The following ANKRD6 variants were observed in gnomAD, a reference collection of about 807,000 sequenced individuals.
ANKRD6 encodes the protein ankyrin repeat domain 6, also known as ankyrin repeat domain-containing protein 6.
Under a neutral mutation model 82.3 loss-of-function variants are expected in ANKRD6, and 56 were observed. The ratio of observed to expected loss-of-function variants is 0.68; its 90% CI spans 0.55 to 0.85. The LOEUF is 0.85. ANKRD6 is among the 40% of genes least tolerant of loss of function. The pLI, the probability that ANKRD6 is intolerant of heterozygous loss-of-function variation, is 0.00. For missense variants in ANKRD6, 852 were observed against 907.6 expected (o/e 0.94, Z 0.79); for synonymous variants, 347 against 352.1 (o/e 0.99, Z 0.16).
intron 5 of ANKRD6, among the ~76,000 whole-genome samples, chr6:89,609,447 A>G (rs1046755896): frequency 6.6e-6 from 1 of 151,650 alleles, no homozygotes; most frequent in South Asian, 2.1e-4. Context: ...GATTACAGGC[A>G]CCTGCCATCA....
intron 1 of ANKRD6, among the ~76,000 whole-genome samples, chr6:89,499,443 G>A (rs551539477): frequency 7.4e-4 from 112 of 152,184 alleles, no homozygotes; most frequent in South Asian, 1.5e-3. Context: ...GCACTGTCAC[G>A]CCTGATGCCA....
At position 89,566,934 on chromosome 6, in the gene ANKRD6, G is replaced by A. The variant is rs1562846346; in HGVS notation, c.-43G>A. 1 of 1,552,406 alleles carries A rather than the reference G, an allele frequency of 6.4e-7. No homozygotes were observed. The highest frequency in any genetic ancestry group is 2.4e-5 in the East Asian group (1 of 41,096). ...CCAGTGACTTCGTGTTGAGCTGAAG[G>A]AACTTGTCTACCGCTTCCCTGAAAA... On this transcript the variant is annotated 5_prime_UTR_variant, in exon 2 of 16. Transcript: ENST00000339746.
intron 1 of ANKRD6, among the ~76,000 whole-genome samples, chr6:89,515,567 A>G (rs1466057072): frequency 2.6e-5 from 4 of 152,226 alleles, no homozygotes; most frequent in Non-Finnish European, 4.4e-5. Flanking sequence ...GAACCTGTGC[A>G]TATTACCTTA....
rs749032053 is a variant in ANKRD6, at chr6:89,617,938, C to G, written c.715-16C>G. The G allele has an allele frequency of 6.2e-7, 1 of 1,613,388 alleles. No individual in the cohort carries two copies. The highest frequency in any genetic ancestry group is 8.5e-7 in the Non-Finnish European group (1 of 1,179,530). Reference sequence around the variant, plus strand: ...CCGTGGCCCTTTCTCACCTGTCCTACTCTGCCTCTCCTCAGGCAGGCCAGA... The same window carrying G: ...CCGTGGCCCTTTCTCACCTGTCCTAGTCTGCCTCTCCTCAGGCAGGCCAGA... On this transcript the variant is annotated splice_polypyrimidine_tract_variant and intron_variant, in intron 8 of 15. Transcript: ENST00000339746.
At position 89,446,343 on chromosome 6, in the gene ANKRD6, A is replaced by G. The variant is rs188360781; in HGVS notation, c.-144+12968A>G. Among the ~76,000 whole-genome samples the G allele has an allele frequency of 3.9e-3, 600 of 152,258 alleles. 2 individuals are homozygous for G. The highest frequency in any genetic ancestry group is 4.6e-3 in the Non-Finnish European group (315 of 68,020). ...CTCCAGCCTGGGCAACAAGGGCGAA[A>G]CTTTGTCTCTAAATAAATAAATAAA... On this transcript the variant is annotated intron_variant, in intron 1 of 15. Transcript: ENST00000339746.
At chr6:89,550,586 C>T (rs1396039895) in intron 1 of ANKRD6, among the ~76,000 whole-genome samples, 1 of 152,122 alleles carries the variant, frequency 6.6e-6, no homozygotes, top group Non-Finnish European at 1.5e-5. Flanking sequence ...GACTGAAGTG[C>T]TGGTTACACA....
intron 1 of ANKRD6, among the ~76,000 whole-genome samples, chr6:89,438,755 G>A (rs1224454727): frequency 6.6e-6 from 1 of 152,122 alleles, no homozygotes; most frequent in East Asian, 1.9e-4. Context: ...TGATTCTCCT[G>A]CCTCAGCCTC....
rs1478907305 is a variant in ANKRD6, at chr6:89,630,617, C to T, written c.1797C>T (p.Pro599=). 6.2e-7 allele frequency: 1 copy of T among 1,613,768 alleles called. No individual in the cohort carries two copies. Among genetic ancestry groups the T allele is most frequent in the Non-Finnish European group, 8.5e-7 (1 of 1,179,840 alleles). ...TCAAGGTCCAGACAGCCTTGCTACC[C>T]ATGAATGAGGCAGCCAGATCTGATC... The part of the protein sequence containing the change: ...RNVKVQTALL[P]MNEAARSDQQ... Residue 599 remains proline, a synonymous_variant, in exon 16 of 16, where the codon CCC becomes CCT. Coordinates refer to ENST00000339746, the MANE Select transcript of ANKRD6 (RefSeq NM_001242809.2).
intron 1 of ANKRD6, among the ~76,000 whole-genome samples, chr6:89,546,082 C>T (rs550009702): frequency 1.1e-4 from 17 of 152,144 alleles, no homozygotes; most frequent in Middle Eastern, 3.4e-3. Context: ...GCTGGGATTA[C>T]GGCGTGAGCC....
At chr6:89,504,174 AGGCACG>A (rs942814312) in intron 1 of ANKRD6, among the ~76,000 whole-genome samples, 13 of 151,024 alleles carry the variant, frequency 8.6e-5, no homozygotes, top group Non-Finnish European at 1.9e-4. Flanking sequence ...CAGAAAGACC[AGGCACG>A]GGGCTGTTCA....
chr6:89,595,150 G>T (rs1030974377), intron 2 of ANKRD6, among the ~76,000 whole-genome samples: 1 of 152,150 alleles, frequency 6.6e-6, no homozygotes, highest in African/African-American at 2.4e-5. Context: ...GATCATTTGA[G>T]GTCAGGAGTT....
intron 14 of ANKRD6, among the ~76,000 whole-genome samples, chr6:89,628,521 G>A (rs1383304548): frequency 6.6e-6 from 1 of 152,202 alleles, no homozygotes; most frequent in East Asian, 1.9e-4. Flanking sequence ...TGTAATCCCA[G>A]CACTTTGGGA....
At chr6:89,542,889 C>G (rs764243164) in intron 1 of ANKRD6, among the ~76,000 whole-genome samples, 54 of 152,194 alleles carry the variant, frequency 3.5e-4, no homozygotes, top group Non-Finnish European at 3.7e-4. Flanking sequence ...ATTTCAGAAA[C>G]TGGTAGCATT....
At chr6:89,576,057 C>CT (rs1233357443) in intron 2 of ANKRD6, among the ~76,000 whole-genome samples, 2,251 of 146,370 alleles carry the variant, frequency 0.015, 47 homozygotes, top group African/African-American at 0.049. Flanking sequence ...AACTTTCTTT[C>CT]TTTTTTTTTT....
chr6:89,453,522 G>T (rs1773112279), intron 1 of ANKRD6, among the ~76,000 whole-genome samples: 1 of 151,846 alleles, frequency 6.6e-6, no homozygotes, highest in Non-Finnish European at 1.5e-5. Context: ...TCCTTTTGAA[G>T]TTTGGATCAG....
rs755069198 is a variant in ANKRD6 at position 89,624,027 on chromosome 6, G to T, written c.1188G>T (p.Leu396Phe). Reference sequence around the variant, plus strand: ...TCAGGGCGTATCAGCTCTACACATTGTACCGGGGCAAGGATGGGAAAGTGA... The same window carrying T: ...TCAGGGCGTATCAGCTCTACACATTTTACCGGGGCAAGGATGGGAAAGTGA... ...HEFRAYQLYT[L>F]YRGKDGKVMQ... Residue 396 changes from leucine (L) to phenylalanine (F), a missense_variant, in exon 12 of 16, where the codon TTG (leucine) becomes TTT (phenylalanine). Physicochemically the swap from Leu to Phe is conservative, Grantham distance 22. Coordinates refer to ENST00000339746, the MANE Select transcript of ANKRD6 (RefSeq NM_001242809.2). The T allele has an allele frequency of 1.3e-6, 2 of 1,558,826 alleles. No individual in the cohort carries two copies. Among genetic ancestry groups the T allele is most frequent in the Non-Finnish European group, 1.8e-6 (2 of 1,141,414 alleles).
At chr6:89,581,887 C>T (rs1297009613) in intron 2 of ANKRD6, among the ~76,000 whole-genome samples, 1 of 149,982 alleles carries the variant, frequency 6.7e-6, no homozygotes, top group Non-Finnish European at 1.5e-5. Context: ...CATCCACACA[C>T]TGTGTGGAGC....
intron 2 of ANKRD6, among the ~76,000 whole-genome samples, chr6:89,568,533 A>G (rs541854585): frequency 6.6e-6 from 1 of 152,316 alleles, no homozygotes; most frequent in Non-Finnish European, 1.5e-5. Context: ...CACCACTGCT[A>G]TGCACTGAAT....
chr6:89,627,532 G>A, intron 13 of ANKRD6, 51 bp from the exon 14 acceptor site: 1 of 1,572,732 alleles, frequency 6.4e-7, no homozygotes, highest in South Asian at 1.1e-5. Flanking sequence ...AGAAGCCAGG[G>A]CTCACCCTGA....
Sources: gnomAD v4.1 joint callset for allele counts (sites outside exome capture counted in the v4.1 genomes callset) on GRCh38, gnomAD v4.1.1 for gene constraint, MANE v1.5 for transcripts, NCBI Gene and HGNC (gene_info 2026-07-23, HGNC 2026-07-21) for gene names.